Variants in MAML2 observed in about 807,000 individuals in gnomAD.
The protein encoded by MAML2 is mastermind-like protein 2.
Under a neutral mutation model 96.1 loss-of-function variants are expected in MAML2, and 22 were observed. The ratio of observed to expected loss-of-function variants is 0.23; its 90% CI spans 0.16 to 0.33. The LOEUF (loss-of-function observed/expected upper bound fraction) is 0.33. Ranked by LOEUF, MAML2 falls within the 10% of genes least tolerant of loss-of-function variation. MAML2 has a pLI of 1.00. For missense variants in MAML2, 1,367 were observed against 1,392.4 expected, an observed-to-expected ratio of 0.98 and a Z score of 0.29; for synonymous variants, 561 against 521.3, an observed-to-expected ratio of 1.08 and a Z score of -1.04.
At chr11:96,124,024 C>T (rs565508791) in intron 1 of MAML2, among the ~76,000 whole-genome samples, 4 of 142,698 alleles carry the variant, frequency 2.8e-5, no homozygotes, top group Non-Finnish European at 6.0e-5. Context: ...GAGCCGAGAT[C>T]GGGCCACTAT....
At chr11:96,310,739 G>A (rs891890936) in intron 1 of MAML2, among the ~76,000 whole-genome samples, 6 of 152,156 alleles carry the variant, frequency 3.9e-5, no homozygotes, top group African/African-American at 1.2e-4. Context: ...GTGCCTCTCT[G>A]AGCCTCAGTC....
chr11:96,015,318 T>A (rs1858328856), intron 2 of MAML2, among the ~76,000 whole-genome samples: 1 of 152,174 alleles, frequency 6.6e-6, no homozygotes, highest in Non-Finnish European at 1.5e-5. Context: ...TGACGTTGAA[T>A]AAGTAGCTTC....
chr11:96,065,906 C>T (rs1226555888), intron 2 of MAML2, among the ~76,000 whole-genome samples: 1 of 152,170 alleles, frequency 6.6e-6, no homozygotes, highest in East Asian at 1.9e-4. Context: ...CAGCATTCCA[C>T]CTGCTCTTGT....
intron 2 of MAML2, among the ~76,000 whole-genome samples, chr11:96,057,056 A>G (rs1859081422): frequency 6.6e-6 from 1 of 152,178 alleles, no homozygotes; most frequent in African/African-American, 2.4e-5. Flanking sequence ...CAGCCCGAGA[A>G]GTATAAAAGG....
intron 1 of MAML2, among the ~76,000 whole-genome samples, chr11:96,252,063 G>A (rs1430414989): frequency 6.6e-6 from 1 of 152,084 alleles, no homozygotes; most frequent in African/African-American, 2.4e-5. Context: ...AGACGGAGTA[G>A]CAAAGACACT....
At position 95,991,740 on chromosome 11, in the gene MAML2, G is replaced by A. The variant is rs534253505; in HGVS notation, c.2140-17C>T. ...GTGTTGATCCTAAAGAAGAGAAAGGGGGAAGGAAAAGCTACTGTGAATTAA... is the reference window on the plus strand; with the variant it reads ...GTGTTGATCCTAAAGAAGAGAAAGGAGGAAGGAAAAGCTACTGTGAATTAA... On this transcript the variant is annotated splice_polypyrimidine_tract_variant and intron_variant, in intron 2 of 4. Coordinates refer to ENST00000524717, the MANE Select transcript of MAML2 (RefSeq NM_032427.4). 7 of 1,605,050 alleles carry A rather than the reference G, an allele frequency of 4.4e-6. No homozygotes were observed. Among genetic ancestry groups the A allele is most frequent in the Non-Finnish European group, 6.0e-6 (7 of 1,172,376 alleles).
chr11:96,306,162 G>A (rs900152247), intron 1 of MAML2, among the ~76,000 whole-genome samples: 2 of 152,084 alleles, frequency 1.3e-5, no homozygotes, highest in African/African-American at 4.8e-5. Context: ...GTGCACTTCA[G>A]TTGTGCCTTT....
intron 1 of MAML2, among the ~76,000 whole-genome samples, chr11:96,201,161 A>G (rs1387422583): frequency 2.6e-5 from 4 of 152,214 alleles, no homozygotes; most frequent in East Asian, 3.9e-4. Context: ...ACTACTTACC[A>G]TAATTACTTG....
At position 96,341,428 on chromosome 11, in the gene MAML2, C is replaced by A. The variant is rs1249115256; in HGVS notation, c.468G>T (p.Pro156=). ...GSGGINGEQQ[P]PASTPGDQRN... Reference sequence around the variant, plus strand: ...TCTGGTCCCCTGGGGTTGAAGCGGGCGGCTGCTGCTCTCCGTTTATCCCAC... The same window carrying A: ...TCTGGTCCCCTGGGGTTGAAGCGGGAGGCTGCTGCTCTCCGTTTATCCCAC... The change falls in exon 1 of 5, where the codon CCG becomes CCT. Residue 156 remains proline (P), a synonymous_variant. Coordinates refer to ENST00000524717, the MANE Select transcript of MAML2 (RefSeq NM_032427.4). 2 of 1,547,202 alleles carry A rather than the reference C, an allele frequency of 1.3e-6. No individual in the cohort carries two copies. The highest frequency in any genetic ancestry group is 1.2e-5 in the South Asian group (1 of 83,270).
intron 1 of MAML2, among the ~76,000 whole-genome samples, chr11:96,276,904 A>G (rs925609862): frequency 6.6e-6 from 1 of 150,952 alleles, no homozygotes; most frequent in Admixed American, 6.6e-5. Context: ...GGATAGTACT[A>G]TGATAAATAT....
intron 1 of MAML2, among the ~76,000 whole-genome samples, chr11:96,175,717 A>G (rs1460790201): frequency 2.0e-5 from 3 of 152,040 alleles, no homozygotes; most frequent in Non-Finnish European, 4.4e-5. Flanking sequence ...CAGCCTCCCA[A>G]GTAGCTGGAA....
intron 1 of MAML2, among the ~76,000 whole-genome samples, chr11:96,153,484 T>A (rs567914047): frequency 6.6e-6 from 1 of 152,338 alleles, no homozygotes; most frequent in South Asian, 2.1e-4. Context: ...TTAGGATTAA[T>A]TTTGGTTTTT....
chr11:96,070,325 A>G (rs1409718745), intron 2 of MAML2, among the ~76,000 whole-genome samples: 2 of 152,190 alleles, frequency 1.3e-5, no homozygotes, highest in Non-Finnish European at 2.9e-5. Flanking sequence ...TAAATAAGGC[A>G]TAACAAAAAC....
At chr11:96,326,592 C>T (rs995074795) in intron 1 of MAML2, among the ~76,000 whole-genome samples, 4 of 151,828 alleles carry the variant, frequency 2.6e-5, no homozygotes, top group East Asian at 1.9e-4. Context: ...GTCAGGAGTT[C>T]GAGACCAGCC....
At chr11:96,146,641 G>A (rs1860826514) in intron 1 of MAML2, among the ~76,000 whole-genome samples, 2 of 152,168 alleles carry the variant, frequency 1.3e-5, no homozygotes, top group Non-Finnish European at 2.9e-5. Context: ...TACTTGCCAT[G>A]AGATAGGTAC....
chr11:96,300,139 G>T (rs1300769040), intron 1 of MAML2, among the ~76,000 whole-genome samples: 1 of 152,194 alleles, frequency 6.6e-6, no homozygotes, highest in African/African-American at 2.4e-5. Flanking sequence ...GCTCTCATAG[G>T]TAGACAGTTG....
At position 95,978,979 on chromosome 11, in the gene MAML2, T is replaced by C. The variant is rs1202637185; in HGVS notation, c.3440A>G (p.Asn1147Ser). Residue 1147 changes from asparagine to serine, a missense_variant, in exon 5 of 5, where the codon AAT (asparagine) becomes AGT (serine). By Grantham distance (46) the Asn-to-Ser change is conservative (BLOSUM62 1). Coordinates refer to ENST00000524717, the MANE Select transcript of MAML2 (RefSeq NM_032427.4). ...ATTGTTCCCCAAGATTTCATCAAGA[T>C]TGATGTCTTTCATCCAGTCATCATT... ...PGNDDWMKDI[N>S]LDEILGNNS 2.5e-6 allele frequency: 4 copies of C among 1,611,606 alleles called. No individual in the cohort carries two copies. The highest frequency in any genetic ancestry group is 3.4e-6 in the Non-Finnish European group (4 of 1,179,154).
chr11:96,151,879 T>C (rs1256240802), intron 1 of MAML2, among the ~76,000 whole-genome samples: 1 of 152,236 alleles, frequency 6.6e-6, no homozygotes. Context: ...CTTAGGATTT[T>C]AGTTCATAGG....
chr11:96,037,821 C>T (rs669669), intron 2 of MAML2, among the ~76,000 whole-genome samples: 135,178 of 152,178 alleles, frequency 0.89, 60,359 homozygotes, highest in African/African-American at 0.97. Context: ...TATTTGTTTA[C>T]TTCAAGGCTC....
Sources: gnomAD v4.1 joint callset for allele counts (sites outside exome capture counted in the v4.1 genomes callset) on GRCh38, gnomAD v4.1.1 for gene constraint, MANE v1.5 for transcripts, NCBI Gene and HGNC (gene_info 2026-07-23, HGNC 2026-07-21) for gene names.